Variants in TUT4 observed in about 807,000 individuals in gnomAD.
TUT4 encodes the protein terminal uridylyl transferase 4.
Under a neutral mutation model 192.2 loss-of-function variants are expected in TUT4, and 36 were observed. That is an observed-to-expected ratio of 0.19 (90% CI 0.14 to 0.25). The LOEUF is 0.25. Ranked by LOEUF, TUT4 falls within the 10% of genes least tolerant of loss-of-function variation. TUT4 has a pLI of 1.00. For missense variants in TUT4, 1,493 were observed against 1,957.2 expected (o/e 0.76, Z 4.47); for synonymous variants, 618 against 666.0 (o/e 0.93, Z 1.11).
intron 26 of TUT4, among the ~76,000 whole-genome samples, chr1:52,435,739 A>G (rs1011694818): frequency 6.6e-6 from 1 of 152,220 alleles, no homozygotes; most frequent in Non-Finnish European, 1.5e-5. Context: ...AGGAGACAAC[A>G]TATTTATTTG....
intron 25 of TUT4, 133 bp downstream of exon 25, chr1:52,438,087 A>C: frequency 3.2e-6 from 2 of 623,472 alleles, no homozygotes; most frequent in East Asian, 5.8e-5. Context: ...AATTCCACTC[A>C]AATGAACATT....
chr1:52,450,903 T>G (rs909493325), intron 20 of TUT4, among the ~76,000 whole-genome samples: 2 of 151,666 alleles, frequency 1.3e-5, no homozygotes, highest in African/African-American at 4.8e-5. Context: ...TCCGGCAAAG[T>G]GGCAAATGAT....
intron 24 of TUT4, 123 bp from the exon 25 acceptor site, chr1:52,438,458 C>T: frequency 1.5e-6 from 1 of 649,454 alleles, no homozygotes; most frequent in Non-Finnish European, 2.6e-6. Flanking sequence ...ACAAATATTT[C>T]ACTGTAAGAA....
chr1:52,423,713 AT>A lies in TUT4; in HGVS notation c.*221del, dbSNP rs1648810544. On this transcript the variant is annotated 3_prime_UTR_variant, in exon 30 of 30. Coordinates refer to ENST00000257177, the MANE Select transcript of TUT4 (RefSeq NM_001009881.3). Reference sequence around the variant, plus strand: ...GATACTAGTAAAAACTATAGTTCATATTTATATACAAATAATACAGTCTGTA... The same window carrying A: ...GATACTAGTAAAAACTATAGTTCATATTATATACAAATAATACAGTCTGTA... 7.4e-6 allele frequency: 8 copies of A among 1,074,172 alleles called. No individual in the cohort carries two copies. In the Admixed American group the frequency reaches 8.0e-5, roughly 11 times the overall value. 66.5% of individuals were successfully genotyped at this position (1,074,172 alleles called of 1,614,324 possible). A position where few individuals can be genotyped will look rare whatever the true frequency, so the allele number is the denominator to read the frequency against.
chr1:52,492,824 A>G (rs1476183268), intron 7 of TUT4, among the ~76,000 whole-genome samples: 2 of 152,236 alleles, frequency 1.3e-5, no homozygotes, highest in Non-Finnish European at 1.5e-5. Context: ...GAAAAAGCAC[A>G]CATGAAAAAC....
chr1:52,537,164 A>AAAAT (rs2149594091), intron 1 of TUT4, among the ~76,000 whole-genome samples: 1 of 152,286 alleles, frequency 6.6e-6, no homozygotes, highest in South Asian at 2.1e-4. Context: ...ACTCCATCTC[A>AAAAT]AAATAAATAA....
rs764036822 is a variant in TUT4 at position 52,494,420 on chromosome 1, G to A, written c.1267-758C>T. ...ATTTAAGAATATTTAGGCCAGGTGC[G>A]GTGGCTCACACCTGTAATCCCAGCA... On this transcript the variant is annotated intron_variant, in intron 6 of 29. Transcript: ENST00000257177. 1.1e-4 allele frequency among the ~76,000 whole-genome samples: 16 copies of A among 152,176 alleles called. 1 individual carries two copies. Among genetic ancestry groups the A allele is most frequent in the Middle Eastern group, 6.8e-3 (2 of 294 alleles).
intron 16 of TUT4, chr1:52,463,357 T>C (rs1345484270): frequency 1.7e-5 from 17 of 996,690 alleles, no homozygotes; most frequent in Non-Finnish European, 1.2e-6. Flanking sequence ...GGAGAACAAA[T>C]AAAATACTTG....
intron 7 of TUT4, 37 bp downstream of exon 7, chr1:52,493,573 TA>T (rs747524454): frequency 0.061 from 54,096 of 885,778 alleles, no homozygotes; most frequent in East Asian, 0.067. Context: ...AAAGACAAAT[TA>T]AAAAAAAAAA....
chr1:52,537,511 A>G (rs1685256963), intron 1 of TUT4, among the ~76,000 whole-genome samples: 1 of 152,262 alleles, frequency 6.6e-6, no homozygotes, highest in South Asian at 2.1e-4. Context: ...TTGAAAAGAG[A>G]AATTGTTCTA....
At chr1:52,523,824 C>T (rs985207267) in intron 2 of TUT4, among the ~76,000 whole-genome samples, 11 of 152,074 alleles carry the variant, frequency 7.2e-5, no homozygotes, top group African/African-American at 2.4e-4. Context: ...TTAAGTCTGT[C>T]GATATACCAT....
chr1:52,537,989 A>C (rs1685416016), intron 1 of TUT4, among the ~76,000 whole-genome samples: 1 of 152,232 alleles, frequency 6.6e-6, no homozygotes, highest in African/African-American at 2.4e-5. Context: ...TAATCTCAGC[A>C]CTTTGGGAGA....
chr1:52,477,742 A>G lies in TUT4; in HGVS notation c.1989T>C (p.Asn663=). Residue 663 remains asparagine, a synonymous_variant, in exon 12 of 30, where the codon AAT becomes AAC. Transcript: ENST00000257177. ...CTATTCGCCTTTTAGGCCAGTTTTT[A>G]TTTTCTCTTGTTAAAATATCTTGTA... ...VRIQDILTRE[N]KNWPKRRIAI... 4 of 1,610,010 alleles carry G rather than the reference A, an allele frequency of 2.5e-6. No homozygotes were observed. The highest frequency in any genetic ancestry group is 2.5e-6 in the Non-Finnish European group (3 of 1,179,020).
intron 27 of TUT4, chr1:52,434,096 C>T (rs1276216722): frequency 6.6e-6 from 1 of 152,132 alleles, no homozygotes; most frequent in African/African-American, 2.4e-5. Flanking sequence ...AGTTTACACT[C>T]AACAAATGTT....
At chr1:52,490,831 G>A (rs1230885634) in intron 7 of TUT4, 30 bp from the exon 8 acceptor site, 2 of 1,525,622 alleles carry the variant, frequency 1.3e-6, no homozygotes, top group South Asian at 1.2e-5. Context: ...GTAAGCTAAT[G>A]TCAACATCTC....
intron 2 of TUT4, among the ~76,000 whole-genome samples, chr1:52,522,987 CTTTTTTTTTT>C (rs748149518): frequency 5.6e-5 from 5 of 89,566 alleles, no homozygotes; most frequent in Admixed American, 5.0e-4. Flanking sequence ...CCTTAACTAT[CTTTTTTTTTT>C]TTTTTTTTTT....
intron 19 of TUT4, among the ~76,000 whole-genome samples, chr1:52,460,490 GAAC>G (rs1303178829): frequency 4.0e-5 from 6 of 151,808 alleles, no homozygotes; most frequent in East Asian, 3.9e-4. Context: ...TCAACAACAG[GAAC>G]AACAACAACA....
At chr1:52,424,543 G>C (rs1033896319) in intron 29 of TUT4, 1 of 152,576 alleles carries the variant, frequency 6.6e-6, no homozygotes, top group African/African-American at 2.4e-5. Context: ...CAAGTGTTCT[G>C]AACTAAGTTA....
chr1:52,461,004 A>G (rs1662398941), intron 19 of TUT4, 130 bp downstream of exon 19: 1 of 650,598 alleles, frequency 1.5e-6, no homozygotes, highest in East Asian at 2.7e-5. Flanking sequence ...AAGCTATATA[A>G]TACTGAAAGT....
Sources: allele counts gnomAD v4.1 joint callset (sites outside exome capture counted in the v4.1 genomes callset), GRCh38; gene constraint gnomAD v4.1.1; transcripts MANE v1.5; gene names NCBI Gene and HGNC (gene_info 2026-07-23, HGNC 2026-07-21).